The following TENM2 variants were observed in gnomAD, a reference collection of about 807,000 sequenced individuals.
The protein encoded by TENM2 is teneurin transmembrane protein 2, also known as teneurin-2.
A neutral mutation model predicts 245.2 loss-of-function variants in TENM2; 52 were observed. The ratio of observed to expected loss-of-function variants is 0.21; its 90% CI spans 0.17 to 0.27. The LOEUF is 0.27. Ranked by LOEUF, TENM2 falls within the 10% of genes least tolerant of loss-of-function variation. The pLI is 1.00. For synonymous variants in TENM2, 1,363 were observed against 1,438.9 expected (o/e 0.95, Z 1.19); for missense variants, 3,046 against 3,666.8 (o/e 0.83, Z 4.37).
chr5:168,024,763 G>A (rs753228651), intron 5 of TENM2, among the ~76,000 whole-genome samples: 4 of 152,180 alleles, frequency 2.6e-5, no homozygotes, highest in Non-Finnish European at 5.9e-5. Flanking sequence ...CACTGCCAGG[G>A]CCCACTCGCC....
intron 2 of TENM2, among the ~76,000 whole-genome samples, chr5:167,684,977 C>A (rs1756977364): frequency 1.3e-5 from 2 of 152,130 alleles, no homozygotes; most frequent in South Asian, 2.1e-4. Context: ...GAATCTAGAC[C>A]ACCAGCTCTC....
chr5:167,034,456 C>T, the TENM2 span, among the ~76,000 whole-genome samples: 1 of 151,708 alleles, frequency 6.6e-6, no homozygotes, highest in African/African-American at 2.4e-5. Flanking sequence ...CGGTGAAACC[C>T]CGTCTCTACT....
At chr5:167,137,450 C>T in the TENM2 span, among the ~76,000 whole-genome samples, 1 of 152,044 alleles carries the variant, frequency 6.6e-6, no homozygotes, top group Non-Finnish European at 1.5e-5. Flanking sequence ...CACCTTTTTT[C>T]CAGCTCTCAT....
chr5:167,228,354 G>A, the TENM2 span, among the ~76,000 whole-genome samples: 9 of 151,528 alleles, frequency 5.9e-5, no homozygotes, highest in Non-Finnish European at 1.2e-4. Flanking sequence ...CTGCTTGATC[G>A]TGTCTATTGT....
chr5:167,506,646 T>C (rs1439095467), intron 2 of TENM2, among the ~76,000 whole-genome samples: 1 of 152,338 alleles, frequency 6.6e-6, no homozygotes, highest in East Asian at 1.9e-4. Context: ...GCTTGACTTC[T>C]ATTCCATTTC....
chr5:168,156,508 A>AT (rs1233314020), intron 12 of TENM2, among the ~76,000 whole-genome samples: 1 of 152,100 alleles, frequency 6.6e-6, no homozygotes, highest in Non-Finnish European at 1.5e-5. Flanking sequence ...CCCCTCATGC[A>AT]TTATTAGCCA....
chr5:167,215,721 A>G, the TENM2 span, among the ~76,000 whole-genome samples: 1 of 152,228 alleles, frequency 6.6e-6, no homozygotes, highest in African/African-American at 2.4e-5. Flanking sequence ...TCCTAAGATC[A>G]TGCAACCTGT....
chr5:167,746,312 G>T (rs999296070), intron 2 of TENM2, among the ~76,000 whole-genome samples: 1 of 152,120 alleles, frequency 6.6e-6, no homozygotes, highest in South Asian at 2.1e-4. Flanking sequence ...TCCACCCTAG[G>T]ACTTCATGTA....
intron 9 of TENM2, among the ~76,000 whole-genome samples, chr5:168,117,510 C>T (rs1795167520): frequency 6.6e-6 from 1 of 152,112 alleles, no homozygotes; most frequent in Non-Finnish European, 1.5e-5. Flanking sequence ...AAGAGATTAA[C>T]AATAATAATA....
At chr5:167,707,038 A>G (rs1286683272) in intron 2 of TENM2, among the ~76,000 whole-genome samples, 2 of 141,344 alleles carry the variant, frequency 1.4e-5, no homozygotes, top group Non-Finnish European at 3.1e-5. Context: ...AAAAAAAAAA[A>G]GGGTTGCCCT....
the TENM2 span, among the ~76,000 whole-genome samples, chr5:167,253,253 G>C: frequency 2.3e-5 from 2 of 86,576 alleles, no homozygotes; most frequent in African/African-American, 3.5e-5. Context: ...AACAGGCCTG[G>C]CTTTTTTTTT....
chr5:167,960,479 G>C (rs1400864393), intron 4 of TENM2, among the ~76,000 whole-genome samples: 1 of 152,186 alleles, frequency 6.6e-6, no homozygotes, highest in African/African-American at 2.4e-5. Flanking sequence ...ACTTCCCAGT[G>C]GCTTTGTTTA....
chr5:167,491,937 C>T (rs988701862), intron 2 of TENM2, among the ~76,000 whole-genome samples: 1 of 152,004 alleles, frequency 6.6e-6, no homozygotes, highest in African/African-American at 2.4e-5. Flanking sequence ...GCTGCCCTAA[C>T]AAAGCAGAAT....
At chr5:167,914,862 G>A (rs1260480572) in intron 3 of TENM2, among the ~76,000 whole-genome samples, 1 of 152,048 alleles carries the variant, frequency 6.6e-6, no homozygotes, top group Non-Finnish European at 1.5e-5. Flanking sequence ...ATCTTTACGT[G>A]GCTGTCTTCT....
At chr5:167,357,972 C>A (rs111615773) in intron 1 of TENM2, among the ~76,000 whole-genome samples, 7 of 152,164 alleles carry the variant, frequency 4.6e-5, no homozygotes, top group African/African-American at 1.7e-4. Context: ...TACTGTTATC[C>A]CAGGTAAAGC....
the TENM2 span, among the ~76,000 whole-genome samples, chr5:167,203,010 G>A: frequency 2.6e-5 from 4 of 152,086 alleles, no homozygotes; most frequent in Non-Finnish European, 5.9e-5. Flanking sequence ...TAGATAATTT[G>A]CCAAATACCA....
intron 2 of TENM2, among the ~76,000 whole-genome samples, chr5:167,718,567 G>A (rs1582830996): frequency 1.3e-5 from 2 of 152,164 alleles, no homozygotes; most frequent in East Asian, 3.9e-4. Flanking sequence ...GGACTAAAGG[G>A]GGCCAAAGTC....
chr5:167,025,909 A>C, the TENM2 span, among the ~76,000 whole-genome samples: 1 of 152,180 alleles, frequency 6.6e-6, no homozygotes, highest in South Asian at 2.1e-4. Context: ...CTTTCAACTC[A>C]GTTGAACCCC....
rs549084433 is a variant in TENM2, at chr5:167,788,361, C to CA, written c.503-87621dup. Among the ~76,000 whole-genome samples the CA allele has an allele frequency of 2.2e-3, 328 of 152,240 alleles. 1 individual carries two copies. Among genetic ancestry groups the CA allele is most frequent in the Non-Finnish European group, 3.5e-3 (241 of 68,006 alleles). Reference sequence around the variant, plus strand: ...TTACTCGCAAGGATTATTTAAATTACAAAATTCCTTAAAACATGGGATGCA... The same window carrying CA: ...TTACTCGCAAGGATTATTTAAATTACAAAAATTCCTTAAAACATGGGATGCA... On this transcript the variant is annotated intron_variant, in intron 2 of 28. Coordinates refer to ENST00000518659, the Ensembl canonical transcript of TENM2.
Sources: allele counts gnomAD v4.1 joint callset (sites outside exome capture counted in the v4.1 genomes callset), GRCh38; gene constraint gnomAD v4.1.1; transcripts MANE v1.5; gene names NCBI Gene and HGNC (gene_info 2026-07-23, HGNC 2026-07-21).